Variants in MAN1A1 observed in about 807,000 individuals in gnomAD.
MAN1A1 encodes mannosyl-oligosaccharide 1,2-alpha-mannosidase IA.
In MAN1A1, 29 loss-of-function variants were observed where a neutral mutation model predicts 70.8. The ratio of observed to expected loss-of-function variants is 0.41; its 90% CI spans 0.31 to 0.56. MAN1A1 has a LOEUF of 0.56. Among genes scored for constraint, MAN1A1 ranks in the 20% least tolerant of loss-of-function variants. MAN1A1 has a pLI of 0.29. For missense variants in MAN1A1, 747 were observed against 841.3 expected (o/e 0.89, Z 1.39); for synonymous variants, 349 against 330.1 (o/e 1.06, Z -0.62).
chr6:119,231,958 C>T (rs1181072378), intron 6 of MAN1A1, among the ~76,000 whole-genome samples: 2 of 152,062 alleles, frequency 1.3e-5, no homozygotes, highest in Admixed American at 6.6e-5. Flanking sequence ...TATTTTTTAT[C>T]TTTAAATAGT....
intron 5 of MAN1A1, among the ~76,000 whole-genome samples, chr6:119,264,930 G>A (rs1775710037): frequency 6.6e-6 from 1 of 151,986 alleles, no homozygotes; most frequent in Non-Finnish European, 1.5e-5. Flanking sequence ...TTTAAGAAAT[G>A]AAAACACCTT....
chr6:119,224,833 A>G (rs1355915064), intron 6 of MAN1A1, among the ~76,000 whole-genome samples: 1 of 152,222 alleles, frequency 6.6e-6, no homozygotes, highest in Non-Finnish European at 1.5e-5. Flanking sequence ...ATCACTAAAA[A>G]TAATTGTATC....
At chr6:119,241,434 T>C (rs1030305037) in intron 6 of MAN1A1, among the ~76,000 whole-genome samples, 2 of 152,152 alleles carry the variant, frequency 1.3e-5, no homozygotes, top group Non-Finnish European at 2.9e-5. Flanking sequence ...AGTGTGGTCG[T>C]TGGGCAAGCA....
intron 2 of MAN1A1, among the ~76,000 whole-genome samples, chr6:119,330,601 GA>G (rs989699281): frequency 6.6e-6 from 1 of 152,056 alleles, no homozygotes; most frequent in Admixed American, 6.5e-5. Context: ...TCTGCAACTT[GA>G]AACCCTCCCA....
At chr6:119,219,707 C>G (rs1164677485) in intron 6 of MAN1A1, among the ~76,000 whole-genome samples, 1 of 151,610 alleles carries the variant, frequency 6.6e-6, no homozygotes, top group Non-Finnish European at 1.5e-5. Context: ...TAAGGTATTC[C>G]CAAAATTTAA....
intron 9 of MAN1A1, among the ~76,000 whole-genome samples, chr6:119,190,336 T>C (rs1773409741): frequency 2.0e-5 from 3 of 151,978 alleles, no homozygotes; most frequent in African/African-American, 7.2e-5. Flanking sequence ...TTCTGTAGGC[T>C]TGGAGGGATA....
intron 3 of MAN1A1, 79 bp from the exon 4 acceptor site, chr6:119,302,182 G>C (rs1246947724): frequency 7.4e-6 from 5 of 677,754 alleles, no homozygotes; most frequent in Non-Finnish European, 1.3e-5. Flanking sequence ...CTAAGAAAGG[G>C]AGAGGGTAAT....
At chr6:119,261,266 A>C (rs1283619413) in intron 5 of MAN1A1, among the ~76,000 whole-genome samples, 1 of 152,180 alleles carries the variant, frequency 6.6e-6, no homozygotes, top group African/African-American at 2.4e-5. Context: ...GGCGTGAGCC[A>C]CTGCGCCCCG....
At chr6:119,297,172 T>A (rs1302777597) in intron 4 of MAN1A1, among the ~76,000 whole-genome samples, 2 of 152,198 alleles carry the variant, frequency 1.3e-5, no homozygotes, top group Non-Finnish European at 2.9e-5. Flanking sequence ...CTGATCTTCC[T>A]GTTATCAGGG....
At chr6:119,232,835 C>T (rs1358585900) in intron 6 of MAN1A1, among the ~76,000 whole-genome samples, 25 of 151,976 alleles carry the variant, frequency 1.6e-4, no homozygotes, top group Admixed American at 1.6e-3. Context: ...TGCCTCTTCT[C>T]TTTTACTCTG....
chr6:119,348,495 C>A lies in MAN1A1; in HGVS notation c.571G>T (p.Ala191Ser), dbSNP rs754322396. 6.2e-7 allele frequency: 1 copy of A among 1,608,470 alleles called. No individual in the cohort carries two copies. Among genetic ancestry groups the A allele is most frequent in the Non-Finnish European group, 8.5e-7 (1 of 1,177,150 alleles). Residue 191 changes from alanine (A) to serine (S), a missense_variant, in exon 2 of 13, where the codon GCC (alanine) becomes TCC (serine). Around this residue, in one of 2 missense-constraint regions of MAN1A1, gnomAD observed 328 missense variants for 293.1 expected, o/e 1.12. Transcript: ENST00000368468. ...ATCTTTGCCCTTTTCTCGCGGATGG[C>A]GGCGTCGGCGGGCTCCCGGCTCTCC... is the stretch of plus-strand genomic sequence containing the variant. ...GVESREPADA[A>S]IREKRAKIKE... is the part of the protein sequence containing the mutation.
chr6:119,217,506 T>G (rs187227808), intron 6 of MAN1A1, among the ~76,000 whole-genome samples: 93 of 152,282 alleles, frequency 6.1e-4, no homozygotes, highest in African/African-American at 2.2e-3. Context: ...GGTCTCGATC[T>G]CCTGACATCA....
At chr6:119,203,061 T>C (rs1282009339) in intron 7 of MAN1A1, among the ~76,000 whole-genome samples, 2 of 152,190 alleles carry the variant, frequency 1.3e-5, no homozygotes, top group East Asian at 3.9e-4. Context: ...GGGACAGTTC[T>C]CGTCATCTAC....
At chr6:119,277,780 A>G (rs1776110865) in intron 5 of MAN1A1, among the ~76,000 whole-genome samples, 3 of 151,814 alleles carry the variant, frequency 2.0e-5, no homozygotes, top group African/African-American at 7.3e-5. Context: ...ACTAAAAAAT[A>G]CAACAAATTA....
chr6:119,247,255 T>G (rs1775191547), intron 6 of MAN1A1, among the ~76,000 whole-genome samples: 1 of 152,206 alleles, frequency 6.6e-6, no homozygotes, highest in Admixed American at 6.5e-5. Flanking sequence ...TACATATGCA[T>G]CGATGTGCGT....
intron 9 of MAN1A1, among the ~76,000 whole-genome samples, chr6:119,191,850 C>T (rs1424922382): frequency 6.6e-6 from 1 of 152,202 alleles, no homozygotes; most frequent in African/African-American, 2.4e-5. Context: ...CAATAGTGTA[C>T]AGCATCCTCC....
rs148716616 is a variant in MAN1A1, at chr6:119,320,224, C to G, written c.604-13232G>C. On this transcript the variant is annotated intron_variant, in intron 2 of 12. Coordinates refer to ENST00000368468, the MANE Select transcript of MAN1A1 (RefSeq NM_005907.4). ...CTTTACCTCGTGATCTGCCTGCCTC[C>G]GCCTCCCAAAGTGCTGGGATTACAG... Among the ~76,000 whole-genome samples the G allele has an allele frequency of 5.9e-3, 896 of 152,146 alleles. 29 individuals carry two copies. In the East Asian group the frequency reaches 0.091, roughly 15 times the overall value.
At chr6:119,260,976 G>GTTTTTTTTTTT (rs61169300) in intron 5 of MAN1A1, among the ~76,000 whole-genome samples, 6 of 116,950 alleles carry the variant, frequency 5.1e-5, no homozygotes, top group Admixed American at 1.9e-4. Context: ...TTTTTTTATT[G>GTTTTTTTTTTT]TTTTTTTTTT....
Position 119,349,731 on chromosome 6 carries a change from C to T in MAN1A1, c.-412G>A, listed in dbSNP as rs1773851799. On this transcript the variant is annotated 5_prime_UTR_variant, in exon 1 of 13. It adds an upstream start codon to the 5' untranslated region. Transcript: ENST00000368468. ...GCGAATGGCAGCGAGTAGAGCAGCA[C>T]GGTACACTCCGCCGCGGCCCCGCGA... 8 of 985,512 alleles carry T rather than the reference C, an allele frequency of 8.1e-6. No homozygotes were observed. Among genetic ancestry groups the T allele is most frequent in the Non-Finnish European group, 9.6e-6 (8 of 829,986 alleles). The allele number at this position is 985,512 out of a possible 1,614,324, so 61.0% of individuals were successfully genotyped here. A position where few individuals can be genotyped will look rare whatever the true frequency, so the allele number is the denominator to read the frequency against.
Sources: gnomAD v4.1 joint callset for allele counts (sites outside exome capture counted in the v4.1 genomes callset) on GRCh38, gnomAD v4.1.1 for gene constraint, gnomAD v4.1.1 regional missense constraint, MANE v1.5 for transcripts, NCBI Gene and HGNC (gene_info 2026-07-23, HGNC 2026-07-21) for gene names.